Variants in DNAJC17 observed in about 807,000 individuals in gnomAD.
DNAJC17 encodes dnaJ homolog subfamily C member 17.
A neutral mutation model predicts 48.1 loss-of-function variants in DNAJC17; 35 were observed. The observed-to-expected ratio is 0.73, with a 90% CI of 0.56 to 0.96. DNAJC17 has a LOEUF of 0.96. Ranked by LOEUF, DNAJC17 falls within the 50% of genes least tolerant of loss-of-function variation. DNAJC17 has a pLI of 0.00. For missense variants in DNAJC17, 355 were observed against 377.1 expected (o/e 0.94, Z 0.48); for synonymous variants, 117 against 142.7 (o/e 0.82, Z 1.28).
rs146679421 is a variant in DNAJC17, at chr15:40,807,429, C to A, written c.18G>T (p.Glu6Asp). Residue 6 changes from glutamate to aspartate, a missense_variant, in exon 1 of 11, where the codon GAG becomes GAT. Around this residue, in one of 3 missense-constraint regions of DNAJC17, gnomAD observed 199 missense variants for 199.9 expected, o/e 1.00. Transcript: ENST00000220496. Reference sequence around the variant, plus strand: ...GCGCGTACAGGTCCATCTGTAAGAGCTCCTTGGTCACTGCCATGGTTCCGG... The same window carrying A: ...GCGCGTACAGGTCCATCTGTAAGAGATCCTTGGTCACTGCCATGGTTCCGG... MAVTKELLQMDLYALL... is the reference protein window; with the variant it reads MAVTKDLLQMDLYALL... The A allele has an allele frequency of 1.5e-5, 25 of 1,614,156 alleles. No individual in the cohort carries two copies. The highest frequency in any genetic ancestry group is 3.3e-5 in the Admixed American group (2 of 60,016).
chr15:40,790,214 G>T (rs957062188), intron 1 of DNAJC17, among the ~76,000 whole-genome samples: 1 of 152,078 alleles, frequency 6.6e-6, no homozygotes. Flanking sequence ...CCACAGACCC[G>T]TCTCCTGTTG....
intron 1 of DNAJC17, among the ~76,000 whole-genome samples, chr15:40,798,627 G>A (rs925424772): frequency 6.6e-6 from 1 of 152,174 alleles, no homozygotes; most frequent in Non-Finnish European, 1.5e-5. Context: ...AGGCAGTAAG[G>A]GCCGCGTGGG....
chr15:40,806,068 GA>G (rs1465258016), intron 1 of DNAJC17, among the ~76,000 whole-genome samples: 1 of 152,104 alleles, frequency 6.6e-6, no homozygotes, highest in Non-Finnish European at 1.5e-5. Context: ...GGCTGCAGGG[GA>G]CAGATTTGTG....
intron 1 of DNAJC17, among the ~76,000 whole-genome samples, chr15:40,787,260 C>T (rs1237089116): frequency 6.6e-6 from 1 of 152,228 alleles, no homozygotes; most frequent in African/African-American, 2.4e-5. Context: ...GCAGGGAGTT[C>T]TGCTTCTCCC....
intron 1 of DNAJC17, among the ~76,000 whole-genome samples, chr15:40,788,169 A>G (rs1889692047): frequency 6.6e-6 from 1 of 152,230 alleles, no homozygotes; most frequent in East Asian, 1.9e-4. Flanking sequence ...CCGGAGAGGC[A>G]GATGCCTCCC....
intron 1 of DNAJC17, among the ~76,000 whole-genome samples, chr15:40,804,207 C>T (rs546597282): frequency 2.0e-5 from 3 of 151,916 alleles, no homozygotes; most frequent in Admixed American, 6.6e-5. Flanking sequence ...TGGCCTCAAG[C>T]GTTCCTTCCA....
intron 1 of DNAJC17, among the ~76,000 whole-genome samples, chr15:40,791,687 A>T (rs992211817): frequency 1.8e-4 from 27 of 152,098 alleles, no homozygotes; most frequent in Admixed American, 1.6e-3. Context: ...TCTACTAAAA[A>T]TACAAAAATT....
intron 7 of DNAJC17, 123 bp from the exon 8 acceptor site, chr15:40,775,231 G>A: frequency 9.2e-7 from 1 of 1,084,730 alleles, no homozygotes; most frequent in Non-Finnish European, 1.4e-6. Context: ...CTGCAATCTG[G>A]GGAGTGCCAC....
At chr15:40,786,865 C>T (rs1401044732) in intron 1 of DNAJC17, among the ~76,000 whole-genome samples, 2 of 152,220 alleles carry the variant, frequency 1.3e-5, no homozygotes, top group Non-Finnish European at 2.9e-5. Context: ...TTTCTAAAAA[C>T]CTCACTGTCT....
chr15:40,787,626 C>A (rs1275481444), intron 1 of DNAJC17, among the ~76,000 whole-genome samples: 1 of 152,154 alleles, frequency 6.6e-6, no homozygotes, highest in Admixed American at 6.6e-5. Context: ...GGCAGCCACC[C>A]AGCCCTTCCC....
At chr15:40,807,213 T>C in intron 1 of DNAJC17, 156 bp downstream of exon 1, 1 of 1,520,974 alleles carries the variant, frequency 6.6e-7, no homozygotes, top group Non-Finnish European at 8.8e-7. Context: ...CCAGGAAATG[T>C]CTGGGAGCCC....
chr15:40,795,550 G>A (rs568607887), intron 1 of DNAJC17, among the ~76,000 whole-genome samples: 1 of 152,210 alleles, frequency 6.6e-6, no homozygotes, highest in East Asian at 1.9e-4. Flanking sequence ...ATGGAGAAAA[G>A]GAAGGGAAAT....
At position 40,768,069 on chromosome 15, in the gene DNAJC17, G is replaced by T. The variant is rs764820194; in HGVS notation, c.793-7C>A. 2 of 1,551,548 alleles carry T rather than the reference G, an allele frequency of 1.3e-6. No individual in the cohort carries two copies. Among genetic ancestry groups the T allele is most frequent in the South Asian group, 1.2e-5 (1 of 81,216 alleles). On this transcript the variant is annotated splice_polypyrimidine_tract_variant and splice_region_variant and intron_variant, in intron 10 of 10. Transcript: ENST00000220496. ...TCTCTGACAGCACTGAGCCCTGTCG[G>T]ACAGGGCAGGGACAGGGAGGGGTCA...
At chr15:40,803,656 T>C (rs766724407) in intron 1 of DNAJC17, among the ~76,000 whole-genome samples, 8 of 152,154 alleles carry the variant, frequency 5.3e-5, no homozygotes, top group Non-Finnish European at 1.2e-4. Context: ...TTATTCCTTC[T>C]CTCAAACTAA....
At chr15:40,773,572 C>G (rs147560117) in intron 10 of DNAJC17, among the ~76,000 whole-genome samples, 155 bp downstream of exon 10, 13 of 152,160 alleles carry the variant, frequency 8.5e-5, no homozygotes, top group East Asian at 1.9e-4. Context: ...AAGGGTTCAA[C>G]GTGAAATCAC....
chr15:40,781,226 T>C (rs1434448065), intron 1 of DNAJC17, among the ~76,000 whole-genome samples: 1 of 149,676 alleles, frequency 6.7e-6, no homozygotes, highest in African/African-American at 2.5e-5. Context: ...CATGTAATCC[T>C]GTAATCCTCA....
chr15:40,803,276 T>C (rs1890120371), intron 1 of DNAJC17, among the ~76,000 whole-genome samples: 1 of 152,214 alleles, frequency 6.6e-6, no homozygotes, highest in Non-Finnish European at 1.5e-5. Context: ...TTCTTCCTTG[T>C]ATACACTTTA....
At position 40,770,303 on chromosome 15, in the gene DNAJC17, G is replaced by A. The variant is rs577647576; in HGVS notation, c.793-2241C>T. 8.3e-6 allele frequency: 5 copies of A among 604,628 alleles called. No individual in the cohort carries two copies. In the South Asian group the frequency reaches 8.6e-5, roughly 10 times the overall value. 37.5% of individuals were successfully genotyped at this position (604,628 alleles called of 1,614,324 possible). ...GGAACTCCCAGCTGTCTGCTCTCCT[G>A]GGCAAAAAAGTTCCTTCTTCCTGAG... On this transcript the variant is annotated intron_variant, in intron 10 of 10. Transcript: ENST00000220496. The surrounding 1 kb of genome is among the most constrained non-coding windows in gnomAD (Gnocchi z 5.0).
At chr15:40,779,648 C>G (rs765985346) in intron 2 of DNAJC17, 45 bp from the exon 3 acceptor site, 6 of 1,596,982 alleles carry the variant, frequency 3.8e-6, no homozygotes, top group Non-Finnish European at 5.1e-6. Flanking sequence ...AAAGTTAAGA[C>G]TTCGTAATGG....
Sources: allele counts gnomAD v4.1 joint callset (sites outside exome capture counted in the v4.1 genomes callset), GRCh38; gene constraint gnomAD v4.1.1; regional missense constraint gnomAD v4.1.1; non-coding constraint Gnocchi (gnomAD v3.1); transcripts MANE v1.5; gene names NCBI Gene and HGNC (gene_info 2026-07-23, HGNC 2026-07-21).